NEGR1: variants seen among roughly 807,000 people sequenced by gnomAD.
NEGR1 encodes IgLON family member 4.
A neutral mutation model predicts 40.9 loss-of-function variants in NEGR1; 10 were observed. That is an observed-to-expected ratio of 0.24 (90% confidence interval 0.15 to 0.42). The LOEUF (loss-of-function observed/expected upper bound fraction) is 0.42, where lower values mean the gene tolerates loss of function less well. Among genes scored for constraint, NEGR1 ranks in the 10% least tolerant of loss-of-function variants. The pLI, the probability that NEGR1 is intolerant of heterozygous loss-of-function variation, is 1.00. For missense variants in NEGR1, 352 were observed against 438.9 expected (o/e 0.80, Z 1.77); for synonymous variants, 185 against 166.8 (o/e 1.11, Z -0.84).
At chr1:71,997,713 C>T (rs947702682) in intron 1 of NEGR1, among the ~76,000 whole-genome samples, 5 of 151,826 alleles carry the variant, frequency 3.3e-5, no homozygotes, top group African/African-American at 1.2e-4. Flanking sequence ...ATCTGACATC[C>T]AAATTCATAT....
At chr1:71,450,926 C>A (rs1289642037) in intron 6 of NEGR1, among the ~76,000 whole-genome samples, 2 of 151,194 alleles carry the variant, frequency 1.3e-5, no homozygotes, top group African/African-American at 4.9e-5. Flanking sequence ...GAAAAAAATA[C>A]ACATTTTTAA....
intron 6 of NEGR1, among the ~76,000 whole-genome samples, chr1:71,447,556 G>A (rs1411933307): frequency 1.3e-5 from 2 of 152,148 alleles, no homozygotes; most frequent in Non-Finnish European, 2.9e-5. Context: ...ACTTTACCCT[G>A]ATCTTTTCTA....
At chr1:71,918,198 C>CAGAACGAG (rs1009736648) in intron 2 of NEGR1, among the ~76,000 whole-genome samples, 1 of 97,246 alleles carries the variant, frequency 1.0e-5, no homozygotes, top group Admixed American at 1.6e-4. Context: ...GCCTGGGCGA[C>CAGAACGAG]AGAACGAGAC....
chr1:72,119,155 CTATG>C (rs1649698191), intron 1 of NEGR1, among the ~76,000 whole-genome samples: 1 of 151,900 alleles, frequency 6.6e-6, no homozygotes, highest in Non-Finnish European at 1.5e-5. Flanking sequence ...TGCATTACTA[CTATG>C]TCAGACATTA....
At chr1:71,943,941 C>T (rs1557447352) in intron 1 of NEGR1, among the ~76,000 whole-genome samples, 1 of 151,902 alleles carries the variant, frequency 6.6e-6, no homozygotes, top group East Asian at 1.9e-4. Context: ...TGTAAAAGTC[C>T]TAAAAAAGAA....
At chr1:71,681,839 T>G (rs1203962007) in intron 4 of NEGR1, among the ~76,000 whole-genome samples, 1 of 152,152 alleles carries the variant, frequency 6.6e-6, no homozygotes, top group Non-Finnish European at 1.5e-5. Flanking sequence ...TCCATTTAAT[T>G]TTTTTTAGGC....
At chr1:71,751,084 GT>G (rs756531442) in intron 3 of NEGR1, among the ~76,000 whole-genome samples, 47 of 145,204 alleles carry the variant, frequency 3.2e-4, no homozygotes, top group Middle Eastern at 7.1e-3. Context: ...TCTTTGTTTT[GT>G]TTTTTTTTTG....
At chr1:71,998,101 G>A (rs1036082581) in intron 1 of NEGR1, among the ~76,000 whole-genome samples, 4 of 151,916 alleles carry the variant, frequency 2.6e-5, no homozygotes, top group African/African-American at 4.8e-5. Flanking sequence ...GAGGCTCTAC[G>A]TAAAGGATAA....
chr1:71,806,382 A>G (rs1298661284), intron 2 of NEGR1, among the ~76,000 whole-genome samples: 1 of 152,102 alleles, frequency 6.6e-6, no homozygotes, highest in Middle Eastern at 3.2e-3. Flanking sequence ...GTAAAGCCCT[A>G]TGATAACAAA....
chr1:72,043,875 C>T (rs1394479003), intron 1 of NEGR1, among the ~76,000 whole-genome samples: 1 of 151,812 alleles, frequency 6.6e-6, no homozygotes, highest in African/African-American at 2.4e-5. Flanking sequence ...TTTGGTTGGA[C>T]TTCCAGGACT....
At chr1:71,658,515 T>A (rs1651946423) in intron 4 of NEGR1, among the ~76,000 whole-genome samples, 2 of 152,212 alleles carry the variant, frequency 1.3e-5, no homozygotes, top group African/African-American at 4.8e-5. Context: ...GGCCATGTGT[T>A]AAAGAACTGC....
Position 71,887,658 on chromosome 1 carries a change from A to G in NEGR1, c.409+47421T>C, listed in dbSNP as rs1385608847. Among the ~76,000 whole-genome samples, 7 of 152,092 alleles carry G rather than the reference A, an allele frequency of 4.6e-5. No individual in the cohort carries two copies. The South Asian group carries it at 6.2e-4, about 14-fold the overall frequency. On this transcript the variant is annotated intron_variant, in intron 2 of 6. Coordinates refer to ENST00000357731, the MANE Select transcript of NEGR1 (RefSeq NM_173808.3). The stretch of plus-strand genomic sequence containing the variant: ...TTTCCTTTTGTTGGGAGTGTTCAAT[A>G]TCCTCCTTCCAGCTTTTTAAAACTA...
At chr1:71,725,585 C>A (rs560899817) in intron 3 of NEGR1, among the ~76,000 whole-genome samples, 46 of 152,104 alleles carry the variant, frequency 3.0e-4, no homozygotes, top group African/African-American at 1.1e-3. Context: ...CTGTTATTTT[C>A]AAATTAAAAA....
At chr1:72,047,515 T>C (rs1323566277) in intron 1 of NEGR1, among the ~76,000 whole-genome samples, 2 of 151,398 alleles carry the variant, frequency 1.3e-5, no homozygotes, top group Non-Finnish European at 1.5e-5. Context: ...CATCAGATAC[T>C]AGTAAACATG....
chr1:72,280,431 A>T (rs1656204274), intron 1 of NEGR1, among the ~76,000 whole-genome samples: 1 of 152,192 alleles, frequency 6.6e-6, no homozygotes, highest in African/African-American at 2.4e-5. Context: ...AAAAATACAT[A>T]TTGCAGCTCC....
chr1:71,655,605 G>A (rs1651850247), intron 4 of NEGR1, among the ~76,000 whole-genome samples: 1 of 152,128 alleles, frequency 6.6e-6, no homozygotes, highest in South Asian at 2.1e-4. Flanking sequence ...CATCCTAAAG[G>A]ATGGAAGTAT....
intron 6 of NEGR1, among the ~76,000 whole-genome samples, chr1:71,489,070 T>C (rs1174738251): frequency 1.3e-5 from 2 of 151,758 alleles, no homozygotes; most frequent in Non-Finnish European, 2.9e-5. Flanking sequence ...TTTTTCCTGT[T>C]GGAGAATTAC....
Position 71,816,363 on chromosome 1 carries a change from A to C in NEGR1, c.410-40066T>G, listed in dbSNP as rs1437642367. Among the ~76,000 whole-genome samples the C allele has an allele frequency of 2.0e-5, 3 of 152,078 alleles. No individual in the cohort carries two copies. The East Asian group carries it at 5.8e-4, about 29-fold the overall frequency. On this transcript the variant is annotated intron_variant, in intron 2 of 6. Transcript: ENST00000357731. Reference sequence around the variant, plus strand: ...GTCCATTTTCATACTGCTATGAAGAAATAACTGAGACTGAGTAATTTATTT... The same window carrying C: ...GTCCATTTTCATACTGCTATGAAGACATAACTGAGACTGAGTAATTTATTT...
At chr1:72,136,359 G>A (rs1324873127) in intron 1 of NEGR1, among the ~76,000 whole-genome samples, 2 of 151,810 alleles carry the variant, frequency 1.3e-5, no homozygotes, top group Non-Finnish European at 2.9e-5. Context: ...TAAGTAAAAA[G>A]GATCAATGTC....
Sources: allele counts gnomAD v4.1 joint callset (sites outside exome capture counted in the v4.1 genomes callset), GRCh38; gene constraint gnomAD v4.1.1; transcripts MANE v1.5; gene names NCBI Gene and HGNC (gene_info 2026-07-23, HGNC 2026-07-21).